Variants in FMNL2 observed in about 807,000 individuals in gnomAD.
The protein encoded by FMNL2 is formin-like protein 2.
Under a neutral mutation model 130.2 loss-of-function variants are expected in FMNL2, and 51 were observed. That is an observed-to-expected ratio of 0.39 (90% CI 0.31 to 0.49). FMNL2 has a LOEUF of 0.49. Among genes scored for constraint, FMNL2 ranks in the 20% least tolerant of loss-of-function variants. The pLI is 0.85. For synonymous variants in FMNL2, 465 were observed against 467.1 expected, an observed-to-expected ratio of 1.00 and a Z score of 0.06; for missense variants, 977 against 1,316.2, an observed-to-expected ratio of 0.74 and a Z score of 3.99.
At chr2:152,613,614 T>A (rs1698797417) in intron 11 of FMNL2, among the ~76,000 whole-genome samples, 1 of 152,206 alleles carries the variant, frequency 6.6e-6, no homozygotes, top group Admixed American at 6.5e-5. Context: ...AAATGTAAGA[T>A]TTTTTGTCAA....
intron 25 of FMNL2, chr2:152,643,663 C>T (rs1683295229): frequency 1.4e-6 from 2 of 1,440,626 alleles, no homozygotes; most frequent in Non-Finnish European, 1.8e-6. Flanking sequence ...TCTCATGCTG[C>T]ATGGTTTTGC....
chr2:152,359,565 T>G (rs1268765850), intron 1 of FMNL2, among the ~76,000 whole-genome samples: 1 of 151,734 alleles, frequency 6.6e-6, no homozygotes, highest in African/African-American at 2.4e-5. Context: ...GTGGAGTTGA[T>G]TTTTTTAAGC....
At chr2:152,394,886 C>G (rs1386594352) in intron 1 of FMNL2, among the ~76,000 whole-genome samples, 2 of 152,094 alleles carry the variant, frequency 1.3e-5, no homozygotes, top group Non-Finnish European at 2.9e-5. Flanking sequence ...AAGCAAAACC[C>G]TGATCTGCTG....
chr2:152,573,239 T>C (rs1696280223), intron 6 of FMNL2, among the ~76,000 whole-genome samples: 1 of 152,208 alleles, frequency 6.6e-6, no homozygotes. Context: ...AACTAAGCCT[T>C]AATTCACCAT....
chr2:152,464,599 G>C (rs1017003252), intron 1 of FMNL2, among the ~76,000 whole-genome samples: 1 of 152,192 alleles, frequency 6.6e-6, no homozygotes, highest in Non-Finnish European at 1.5e-5. Flanking sequence ...CCATTTCACT[G>C]TCCTTGCCCC....
chr2:152,576,758 G>A (rs909696620), intron 7 of FMNL2, among the ~76,000 whole-genome samples: 1 of 152,118 alleles, frequency 6.6e-6, no homozygotes, highest in Non-Finnish European at 1.5e-5. Flanking sequence ...GCAAAGGGAG[G>A]GATATTAGGG....
At chr2:152,587,046 C>T (rs1168241161) in intron 9 of FMNL2, among the ~76,000 whole-genome samples, 1 of 152,176 alleles carries the variant, frequency 6.6e-6, no homozygotes, top group Non-Finnish European at 1.5e-5. Flanking sequence ...AAGGACTGGG[C>T]CCAGCTGGGA....
intron 1 of FMNL2, among the ~76,000 whole-genome samples, chr2:152,373,715 A>T (rs201401279): frequency 8.7e-5 from 13 of 149,342 alleles, no homozygotes; most frequent in South Asian, 2.1e-4. Flanking sequence ...CCTTGTGGAA[A>T]TTTTTTTTTT....
chr2:152,585,717 C>CT (rs1382443974), intron 9 of FMNL2, among the ~76,000 whole-genome samples: 1 of 152,174 alleles, frequency 6.6e-6, no homozygotes, highest in African/African-American at 2.4e-5. Flanking sequence ...TCATAAAACT[C>CT]TTATCTACTG....
At chr2:152,550,853 T>G (rs924845574) in intron 4 of FMNL2, among the ~76,000 whole-genome samples, 1 of 152,136 alleles carries the variant, frequency 6.6e-6, no homozygotes, top group Non-Finnish European at 1.5e-5. Flanking sequence ...AAAGCATTTC[T>G]TAGGCTGTGC....
chr2:152,617,060 T>C (rs2105887634), intron 12 of FMNL2, 31 bp from the exon 13 acceptor site: 1 of 1,595,646 alleles, frequency 6.3e-7, no homozygotes, highest in Non-Finnish European at 8.6e-7. Flanking sequence ...TGATCCTGTA[T>C]TGTGACAGCT....
At chr2:152,423,970 C>T (rs374358729) in intron 1 of FMNL2, among the ~76,000 whole-genome samples, 1 of 152,252 alleles carries the variant, frequency 6.6e-6, no homozygotes, top group Admixed American at 6.5e-5. Flanking sequence ...TATTTTGAAG[C>T]CTGGGACCTT....
intron 1 of FMNL2, among the ~76,000 whole-genome samples, chr2:152,411,080 C>G (rs375898551): frequency 3.3e-5 from 5 of 152,276 alleles, no homozygotes; most frequent in African/African-American, 9.6e-5. Flanking sequence ...TTCTTTGCCC[C>G]CCAGCAAAAT....
At chr2:152,587,861 G>A (rs1697171887) in intron 9 of FMNL2, among the ~76,000 whole-genome samples, 1 of 152,242 alleles carries the variant, frequency 6.6e-6, no homozygotes, top group South Asian at 2.1e-4. Flanking sequence ...GAGCCTCCCA[G>A]GCTAGTTGAG....
At chr2:152,581,077 A>C (rs755957721) in intron 9 of FMNL2, 28 bp downstream of exon 9, 11 of 1,571,968 alleles carry the variant, frequency 7.0e-6, no homozygotes, top group Middle Eastern at 1.7e-4. Flanking sequence ...TTTCATAAGA[A>C]TACTCACACA....
chr2:152,588,322 C>G (rs1437679), intron 9 of FMNL2, among the ~76,000 whole-genome samples: 1 of 151,962 alleles, frequency 6.6e-6, no homozygotes, highest in African/African-American at 2.4e-5. Flanking sequence ...CTCTGCTTCT[C>G]TTGACACATT....
chr2:152,393,329 A>G (rs77415626), intron 1 of FMNL2, among the ~76,000 whole-genome samples: 8,551 of 152,326 alleles, frequency 0.056, 356 homozygotes, highest in Non-Finnish European at 0.09. Context: ...AGGGAAACCT[A>G]TGAAATTGCT....
intron 1 of FMNL2, among the ~76,000 whole-genome samples, chr2:152,471,108 T>C (rs1223434046): frequency 6.6e-6 from 1 of 152,064 alleles, no homozygotes; most frequent in East Asian, 1.9e-4. Context: ...GAATGTAATT[T>C]TAGGTTGTTT....
At chr2:152,436,055 T>C (rs1226965002) in intron 1 of FMNL2, among the ~76,000 whole-genome samples, 4 of 149,714 alleles carry the variant, frequency 2.7e-5, no homozygotes, top group Admixed American at 6.7e-5. Flanking sequence ...TTTTTTTTTT[T>C]CTCCATTTCA....
Sources: allele counts gnomAD v4.1 joint callset (sites outside exome capture counted in the v4.1 genomes callset), GRCh38; gene constraint gnomAD v4.1.1; transcripts MANE v1.5; gene names NCBI Gene and HGNC (gene_info 2026-07-23, HGNC 2026-07-21).